The following ZSCAN25 variants were observed in gnomAD, a reference collection of about 807,000 sequenced individuals.
ZSCAN25 encodes zinc finger and SCAN domain containing 25, also known as zinc finger and SCAN domain-containing protein 25.
In ZSCAN25, 27 loss-of-function variants were observed where a neutral mutation model predicts 38.7. The ratio of observed to expected loss-of-function variants is 0.70; its 90% CI spans 0.51 to 0.96. ZSCAN25 has a LOEUF of 0.96. ZSCAN25 is among the 40% of genes least tolerant of loss of function. ZSCAN25 has a pLI of 0.00. For missense variants in ZSCAN25, 637 were observed against 705.9 expected (o/e 0.90, Z 1.11); for synonymous variants, 273 against 277.7 (o/e 0.98, Z 0.17).
the ZSCAN25 span, chr7:99,672,820 G>T: frequency 6.7e-7 from 1 of 1,483,754 alleles, no homozygotes; most frequent in South Asian, 1.4e-5. Flanking sequence ...TTAGGTTCTA[G>T]TTCATTAGGG....
intron 5 of ZSCAN25, 106 bp from the exon 6 acceptor site, chr7:99,622,443 T>C (rs1807061054): frequency 2.0e-6 from 2 of 1,013,860 alleles, no homozygotes; most frequent in African/African-American, 3.2e-5. Context: ...TGGAGTCTTC[T>C]GGTTCCTGAG....
At chr7:99,705,675 TACTG>T in the ZSCAN25 span, 2 of 1,534,604 alleles carry the variant, frequency 1.3e-6, no homozygotes, top group East Asian at 2.3e-5. Context: ...AAAAAAAAAT[TACTG>T]ACAATAATGC....
At chr7:99,717,143 C>G in the ZSCAN25 span, 58 of 1,613,512 alleles carry the variant, frequency 3.6e-5, no homozygotes, top group Admixed American at 5.5e-4. Context: ...GGGCTCATGA[C>G]AGCTCAGAAC....
At chr7:99,676,023 G>T in the ZSCAN25 span, 1 of 1,083,484 alleles carries the variant, frequency 9.2e-7, no homozygotes, top group South Asian at 1.3e-5. Flanking sequence ...TGAAACCTCA[G>T]AACTCCCTCC....
the ZSCAN25 span, among the ~76,000 whole-genome samples, chr7:99,710,419 A>C: frequency 6.6e-6 from 1 of 152,226 alleles, no homozygotes; most frequent in Non-Finnish European, 1.5e-5. Context: ...AGCAGAGCTC[A>C]CTATCAAGAC....
At chr7:99,638,553 G>A in the ZSCAN25 span, 21 of 1,533,728 alleles carry the variant, frequency 1.4e-5, no homozygotes, top group East Asian at 4.5e-5. Context: ...CCGCGAGAGC[G>A]CGGATCTTGT....
At chr7:99,729,872 TA>T in the ZSCAN25 span, among the ~76,000 whole-genome samples, 1 of 152,210 alleles carries the variant, frequency 6.6e-6, no homozygotes, top group Non-Finnish European at 1.5e-5. Context: ...CCCAAGTGAT[TA>T]AAAACATTTA....
the ZSCAN25 span, chr7:99,663,722 C>T: frequency 9.0e-7 from 1 of 1,109,576 alleles, no homozygotes; most frequent in Non-Finnish European, 1.1e-6. Flanking sequence ...AATTTTATCT[C>T]AATACTGTTT....
chr7:99,715,448 C>A, the ZSCAN25 span: 4 of 344,068 alleles, frequency 1.2e-5, no homozygotes, highest in South Asian at 3.0e-5. Flanking sequence ...ATTAAAAAAA[C>A]CCTGAAAAAT....
chr7:99,677,060 C>T, the ZSCAN25 span: 2 of 446,234 alleles, frequency 4.5e-6, no homozygotes, highest in East Asian at 1.6e-4. Flanking sequence ...AACCAGAAAG[C>T]AGTCAGTTCA....
intron 6 of ZSCAN25, 88 bp from the exon 7 acceptor site, chr7:99,623,954 TGTTGGGAGGAAGCTG>T (rs1807229408): frequency 6.6e-7 from 1 of 1,516,674 alleles, no homozygotes; most frequent in Non-Finnish European, 9.1e-7. Context: ...CCCATTCAAC[TGTTGGGAGGAAGCTG>T]GTTGGGAGGA....
chr7:99,726,821 C>G, the ZSCAN25 span, among the ~76,000 whole-genome samples: 1 of 152,170 alleles, frequency 6.6e-6, no homozygotes. Flanking sequence ...ATCGGGTATC[C>G]CCCTCCAAAG....
the ZSCAN25 span, among the ~76,000 whole-genome samples, chr7:99,734,605 C>CT: frequency 8.7e-5 from 13 of 149,982 alleles, no homozygotes; most frequent in South Asian, 2.1e-4. Context: ...CCTTGAAAAT[C>CT]TTTTTTTTTC....
the ZSCAN25 span, chr7:99,705,293 T>C: frequency 1.8e-6 from 1 of 540,744 alleles, no homozygotes; most frequent in Admixed American, 3.3e-5. Flanking sequence ...CCAGCACTGA[T>C]TTGGTCATCT....
At chr7:99,643,779 C>T in the ZSCAN25 span, among the ~76,000 whole-genome samples, 3 of 151,624 alleles carry the variant, frequency 2.0e-5, no homozygotes, top group East Asian at 3.9e-4. Context: ...GCTCCCCCCT[C>T]TCAGCCCCAC....
chr7:99,711,135 G>A, the ZSCAN25 span, among the ~76,000 whole-genome samples: 1 of 152,112 alleles, frequency 6.6e-6, no homozygotes, highest in Non-Finnish European at 1.5e-5. Context: ...TCCTCCTCGT[G>A]CCATCCCTGC....
At chr7:99,619,522 G>A in intron 3 of ZSCAN25, 39 bp from the exon 4 acceptor site, 1 of 1,449,116 alleles carries the variant, frequency 6.9e-7, no homozygotes, top group Non-Finnish European at 9.3e-7. Context: ...GACAGAACTG[G>A]GATGGGCTGA....
At chr7:99,656,441 A>G in the ZSCAN25 span, among the ~76,000 whole-genome samples, 1 of 152,172 alleles carries the variant, frequency 6.6e-6, no homozygotes, top group Non-Finnish European at 1.5e-5. Context: ...CCACTTGATC[A>G]TGGTGGATAA....
At chr7:99,667,337 G>A in the ZSCAN25 span, among the ~76,000 whole-genome samples, 3 of 152,294 alleles carry the variant, frequency 2.0e-5, no homozygotes, top group East Asian at 3.9e-4. Flanking sequence ...AATGCTCCAC[G>A]TGGTAGGGAA....
Sources: gnomAD v4.1 joint callset for allele counts (sites outside exome capture counted in the v4.1 genomes callset) on GRCh38, gnomAD v4.1.1 for gene constraint, MANE v1.5 for transcripts, NCBI Gene and HGNC (gene_info 2026-07-23, HGNC 2026-07-21) for gene names.